ATP5PD: variants seen among roughly 807,000 people sequenced by gnomAD.
ATP5PD encodes ATP synthase peripheral stalk subunit d, mitochondrial.
A neutral mutation model predicts 22.6 loss-of-function variants in ATP5PD; 13 were observed. That is an observed-to-expected ratio of 0.58 (90% CI 0.37 to 0.91). The LOEUF is 0.91. Ranked by LOEUF, ATP5PD falls within the 40% of genes least tolerant of loss-of-function variation. The pLI is 0.00. For synonymous variants in ATP5PD, 51 were observed against 65.0 expected, an observed-to-expected ratio of 0.79 and a Z score of 1.03; for missense variants, 165 against 188.0, an observed-to-expected ratio of 0.88 and a Z score of 0.72.
intron 3 of ATP5PD, chr17:75,040,552 G>C (rs1410278817): frequency 4.3e-6 from 1 of 230,042 alleles, no homozygotes; most frequent in African/African-American, 2.3e-5. Flanking sequence ...GAGCTGACTG[G>C]TGGAAGGAGC....
rs2073192054 is a variant in ATP5PD at position 75,044,427 on chromosome 17, G to A, written c.-9-1768C>T. On this transcript the variant is annotated intron_variant, in intron 1 of 5. Transcript: ENST00000301587. ...TCACCTTGTTAGCCAGGATGGTCTCGATCTCCTGACCTCATGATCCACCCG... is the reference window on the plus strand; with the variant it reads ...TCACCTTGTTAGCCAGGATGGTCTCAATCTCCTGACCTCATGATCCACCCG... Among the ~76,000 whole-genome samples the A allele has an allele frequency of 1.8e-5, 2 of 113,112 alleles. 1 individual carries two copies. Among genetic ancestry groups the A allele is most frequent in the Non-Finnish European group, 3.1e-5 (2 of 63,660 alleles). The allele number at this position is 113,112 out of a possible 152,430, so 74.2% of individuals were successfully genotyped here.
At position 75,042,546 on chromosome 17, in the gene ATP5PD, A is replaced by G; in HGVS notation, c.105T>C (p.Asn35=). 1.2e-6 allele frequency: 2 copies of G among 1,612,284 alleles called. No homozygotes were observed. Among genetic ancestry groups the G allele is most frequent in the Non-Finnish European group, 1.7e-6 (2 of 1,179,816 alleles). The change falls in exon 2 of 6, where the codon AAT becomes AAC. Residue 35 remains asparagine (N), a synonymous_variant. Transcript: ENST00000301587. ...KAIASSLKSW[N]ETLTSRLAAL... is the part of the protein sequence containing the mutation. ...ATACTGACCTGGAGGTGAGGGTCTC[A>G]TTCCAGGATTTCAGGGAACTAGCAA...
chr17:75,046,083 T>TTG (rs904776938), intron 1 of ATP5PD, among the ~76,000 whole-genome samples: 8 of 151,650 alleles, frequency 5.3e-5, no homozygotes, highest in East Asian at 1.9e-4. Flanking sequence ...ACAAATAACT[T>TTG]TGTGTGTGTG....
intron 1 of ATP5PD, among the ~76,000 whole-genome samples, chr17:75,043,738 A>C (rs1233794379): frequency 6.6e-6 from 1 of 152,064 alleles, no homozygotes; most frequent in Non-Finnish European, 1.5e-5. Context: ...ATTGTGTTTT[A>C]TTCACTGATT....
In ATP5PD at chr17:75,042,166, G is replaced by T; in HGVS notation, c.219+15C>A. 1 of 1,608,914 alleles carries T rather than the reference G, an allele frequency of 6.2e-7. No individual in the cohort carries two copies. The highest frequency in any genetic ancestry group is 8.5e-7 in the Non-Finnish European group (1 of 1,175,826). On this transcript the variant is annotated intron_variant, in intron 3 of 5. Transcript: ENST00000301587. ...CATGTTACAAGCTCAGTGCTTTAGAGGTGTGAAGTCTCACCTTCTTCTCAA... is the reference window on the plus strand; with the variant it reads ...CATGTTACAAGCTCAGTGCTTTAGATGTGTGAAGTCTCACCTTCTTCTCAA...
intron 1 of ATP5PD, among the ~76,000 whole-genome samples, chr17:75,045,177 GGA>G (rs2073200904): frequency 6.6e-6 from 1 of 152,164 alleles, no homozygotes; most frequent in Non-Finnish European, 1.5e-5. Context: ...TTTTTATTAG[GGA>G]GTTTCAAAAG....
At chr17:75,045,509 G>A (rs888261712) in intron 1 of ATP5PD, among the ~76,000 whole-genome samples, 2 of 152,196 alleles carry the variant, frequency 1.3e-5, no homozygotes, top group African/African-American at 4.8e-5. Context: ...CCCCAGGGGG[G>A]CCAGTTCAGA....
intron 3 of ATP5PD, 35 bp downstream of exon 3, chr17:75,042,146 T>G (rs763287590): frequency 1.3e-6 from 2 of 1,573,988 alleles, no homozygotes; most frequent in Admixed American, 1.7e-5. Flanking sequence ...ACAGGCATGT[T>G]ACAAGCTCAG....
intron 1 of ATP5PD, among the ~76,000 whole-genome samples, chr17:75,045,439 C>T (rs942387060): frequency 1.3e-5 from 2 of 152,206 alleles, no homozygotes; most frequent in Non-Finnish European, 2.9e-5. Flanking sequence ...AGCCTGGGAT[C>T]GCTATGGGAG....
At chr17:75,043,469 C>G (rs1041020624) in intron 1 of ATP5PD, among the ~76,000 whole-genome samples, 2 of 151,986 alleles carry the variant, frequency 1.3e-5, no homozygotes, top group Non-Finnish European at 1.5e-5. Context: ...AAAAATTAGC[C>G]GGGCGTGATG....
chr17:75,042,357 C>T, intron 2 of ATP5PD, 80 bp from the exon 3 acceptor site: 2 of 1,531,002 alleles, frequency 1.3e-6, no homozygotes, highest in Non-Finnish European at 1.8e-6. Context: ...ATCCCTTCTT[C>T]CTATGGCCTG....
rs541514852 is a variant in ATP5PD at position 75,043,468 on chromosome 17, C to G, written c.-9-809G>C. 1.4e-4 allele frequency among the ~76,000 whole-genome samples: 22 copies of G among 152,160 alleles called. 1 individual carries two copies. The South Asian group carries it at 2.5e-3, about 17-fold the overall frequency. ...CTCTACTAAAAAATACAAAAATTAG[C>G]CGGGCGTGATGGCATGCACCTGTAG... On this transcript the variant is annotated intron_variant, in intron 1 of 5. Transcript: ENST00000301587.
chr17:75,045,670 T>C (rs907673038), intron 1 of ATP5PD, among the ~76,000 whole-genome samples: 13 of 152,254 alleles, frequency 8.5e-5, no homozygotes, highest in Non-Finnish European at 1.6e-4. Context: ...AGGTTCTCTC[T>C]TGTTCCCTGA....
chr17:75,039,956 T>C (rs950001093), intron 4 of ATP5PD, 136 bp downstream of exon 4: 23 of 887,002 alleles, frequency 2.6e-5, no homozygotes, highest in Non-Finnish European at 3.4e-5. Flanking sequence ...GTCCATGTTG[T>C]TGCATTTATT....
chr17:75,042,288 G>A lies in ATP5PD; in HGVS notation c.123-11C>T. The stretch of plus-strand genomic sequence containing the variant: ...GGTAAAGCAGCCAACCTGCCCACAA[G>A]GAAAGGCAAAAGTTAGGATTGTTCA... On this transcript the variant is annotated splice_polypyrimidine_tract_variant and intron_variant, in intron 2 of 5. Coordinates refer to ENST00000301587, the MANE Select transcript of ATP5PD (RefSeq NM_006356.3). 1 of 1,613,020 alleles carries A rather than the reference G, an allele frequency of 6.2e-7. No individual in the cohort carries two copies. The highest frequency in any genetic ancestry group is 8.5e-7 in the Non-Finnish European group (1 of 1,179,578).
rs1029631894 is a variant in ATP5PD, at chr17:75,040,324, A to T, written c.220-161T>A. ...GTGTCCCAAGCGGAAACGAATACGC[A>T]TCTCAATACTGGAGTAGAAAGAATA... On this transcript the variant is annotated intron_variant, in intron 3 of 5. Transcript: ENST00000301587. The T allele has an allele frequency of 7.9e-5, 59 of 743,266 alleles. No individual in the cohort carries two copies. In the African/African-American group the frequency reaches 9.7e-4, roughly 12 times the overall value. The allele number at this position is 743,266 out of a possible 1,614,324, so 46.0% of individuals were successfully genotyped here.
intron 1 of ATP5PD, among the ~76,000 whole-genome samples, chr17:75,046,380 C>G (rs1468751156): frequency 6.6e-6 from 1 of 152,194 alleles, no homozygotes; most frequent in Non-Finnish European, 1.5e-5. Flanking sequence ...CCGCGCCCGG[C>G]GAAATTTTTT....
chr17:75,039,515 T>C (rs1366513726), intron 4 of ATP5PD: 2 of 500,468 alleles, frequency 4.0e-6, no homozygotes, highest in Admixed American at 6.7e-5. Flanking sequence ...AAGTTCCTCA[T>C]CCGAAGACCT....
In ATP5PD at chr17:75,042,430, T is replaced by G. The variant is rs2073170710; in HGVS notation, c.122+99A>C. 3 of 1,531,066 alleles carry G rather than the reference T, an allele frequency of 2.0e-6. No homozygotes were observed. The Admixed American group carries it at 6.0e-5, about 31-fold the overall frequency. The allele number at this position is 1,531,066 out of a possible 1,614,324, so 94.8% of individuals were successfully genotyped here. A position where few individuals can be genotyped will look rare whatever the true frequency, so the allele number is the denominator to read the frequency against. On this transcript the variant is annotated intron_variant, in intron 2 of 5. Transcript: ENST00000301587. ...AAAATGCAAGGATTTCTTTATATGT[T>G]GTCATAAGGGCATCAAGAATTCATA...
Sources: gnomAD v4.1 joint callset for allele counts (sites outside exome capture counted in the v4.1 genomes callset) on GRCh38, gnomAD v4.1.1 for gene constraint, MANE v1.5 for transcripts, NCBI Gene and HGNC (gene_info 2026-07-23, HGNC 2026-07-21) for gene names.